The following EYS variants were observed in gnomAD, a reference collection of about 807,000 sequenced individuals.
The protein encoded by EYS is EGF-like photoreceptor maintenance factor, also known as protein eyes shut homolog.
EYS carries 250 observed loss-of-function variants against 282.1 expected under a neutral mutation model. The observed-to-expected ratio is 0.89, with a 90% CI of 0.80 to 0.98. The LOEUF is 0.98. Ranked by LOEUF, EYS falls within the 50% of genes least tolerant of loss-of-function variation. EYS has a pLI of 0.00. For missense variants in EYS, 4,016 were observed against 3,709.0 expected (o/e 1.08, Z -2.15); for synonymous variants, 1,355 against 1,282.9 (o/e 1.06, Z -1.20).
At chr6:65,228,682 T>C (rs1285537440) in intron 12 of EYS, among the ~76,000 whole-genome samples, 6 of 152,000 alleles carry the variant, frequency 3.9e-5, no homozygotes, top group African/African-American at 1.4e-4. Flanking sequence ...ATAGGCAAGA[T>C]GGTTTTATAA....
chr6:64,097,464 C>T (rs1772667624), intron 31 of EYS, among the ~76,000 whole-genome samples: 1 of 152,174 alleles, frequency 6.6e-6, no homozygotes, highest in Non-Finnish European at 1.5e-5. Context: ...GGAGGCCCCT[C>T]CCTCAGCCTC....
At chr6:64,173,038 T>G (rs1278455407) in intron 31 of EYS, among the ~76,000 whole-genome samples, 1 of 152,102 alleles carries the variant, frequency 6.6e-6, no homozygotes, top group Non-Finnish European at 1.5e-5. Context: ...AGGTACTAGC[T>G]ATGGTGAGCA....
chr6:65,261,405 A>C (rs1470317676), intron 12 of EYS, among the ~76,000 whole-genome samples: 1 of 151,964 alleles, frequency 6.6e-6, no homozygotes, highest in Non-Finnish European at 1.5e-5. Context: ...TCTGGTGTGC[A>C]TGTGTTTACC....
intron 26 of EYS, among the ~76,000 whole-genome samples, chr6:64,481,369 T>C (rs1776432469): frequency 6.7e-6 from 1 of 150,024 alleles, no homozygotes; most frequent in Admixed American, 6.7e-5. Context: ...TATCTCTGGG[T>C]GTATCCAAGG....
At chr6:65,568,973 G>C (rs1321832347) in intron 2 of EYS, among the ~76,000 whole-genome samples, 2 of 152,146 alleles carry the variant, frequency 1.3e-5, no homozygotes, top group Non-Finnish European at 2.9e-5. Flanking sequence ...CTAACTTTGT[G>C]AGGAACTTAG....
At chr6:64,495,561 C>T (rs572472317) in intron 26 of EYS, among the ~76,000 whole-genome samples, 4 of 151,938 alleles carry the variant, frequency 2.6e-5, no homozygotes, top group South Asian at 4.1e-4. Flanking sequence ...GCAAATTAGA[C>T]GTGTGCTGTG....
chr6:64,636,093 A>G (rs1562104421), intron 22 of EYS, among the ~76,000 whole-genome samples: 1 of 152,204 alleles, frequency 6.6e-6, no homozygotes, highest in African/African-American at 2.4e-5. Flanking sequence ...AAATTACTTT[A>G]AAGTTCATAT....
chr6:65,677,992 A>G (rs995896681), intron 1 of EYS, among the ~76,000 whole-genome samples: 2 of 152,050 alleles, frequency 1.3e-5, no homozygotes, highest in Non-Finnish European at 2.9e-5. Flanking sequence ...AGGCTGGGTA[A>G]TTTATAAAGA....
chr6:64,807,645 A>T (rs1049548506), intron 22 of EYS, among the ~76,000 whole-genome samples: 24 of 152,124 alleles, frequency 1.6e-4, no homozygotes, highest in Non-Finnish European at 3.4e-4. Context: ...CGTAATATAA[A>T]GTCAATCACT....
chr6:63,891,138 C>T (rs558321507), intron 35 of EYS, among the ~76,000 whole-genome samples: 21 of 152,272 alleles, frequency 1.4e-4, no homozygotes, highest in Non-Finnish European at 2.2e-4. Context: ...GACAAATTCA[C>T]GGCCGAATTC....
intron 22 of EYS, among the ~76,000 whole-genome samples, chr6:64,742,912 A>T (rs1449851835): frequency 6.6e-6 from 1 of 152,128 alleles, no homozygotes; most frequent in African/African-American, 2.4e-5. Context: ...CCACAAAATC[A>T]CCGGTGATAA....
chr6:64,188,470 A>C (rs1314219290), intron 31 of EYS, among the ~76,000 whole-genome samples: 1 of 152,138 alleles, frequency 6.6e-6, no homozygotes, highest in African/African-American at 2.4e-5. Flanking sequence ...TTTTAGTAAA[A>C]ATATATCCCA....
intron 2 of EYS, among the ~76,000 whole-genome samples, chr6:65,604,987 A>C (rs354401): frequency 6.7e-6 from 1 of 150,072 alleles, no homozygotes; most frequent in Admixed American, 6.7e-5. Context: ...GGGACTAAAC[A>C]TATGGCCGAC....
At chr6:63,808,789 T>C (rs192944532) in intron 36 of EYS, among the ~76,000 whole-genome samples, 9 of 152,306 alleles carry the variant, frequency 5.9e-5, no homozygotes, top group African/African-American at 2.2e-4. Flanking sequence ...GTTGAGCATT[T>C]GAATTGTGGT....
At chr6:65,278,218 G>T (rs1413764808) in intron 12 of EYS, among the ~76,000 whole-genome samples, 2 of 135,174 alleles carry the variant, frequency 1.5e-5, no homozygotes, top group Non-Finnish European at 3.2e-5. Flanking sequence ...AGATCTGGCT[G>T]CTTGTTAACC....
intron 22 of EYS, among the ~76,000 whole-genome samples, chr6:64,665,761 G>A (rs1769208786): frequency 6.6e-6 from 1 of 152,074 alleles, no homozygotes; most frequent in Non-Finnish European, 1.5e-5. Flanking sequence ...CTACTGTTCT[G>A]AGAAAGCTAT....
In EYS at chr6:65,536,839, T is replaced by C. The variant is rs370385175; in HGVS notation, c.-332-40846A>G. Reference sequence around the variant, plus strand: ...TGTCAGGTTGTTAAACGTCTCTAAATTAACCTATAAATTTCAATCCAAGGC... The same window carrying C: ...TGTCAGGTTGTTAAACGTCTCTAAACTAACCTATAAATTTCAATCCAAGGC... On this transcript the variant is annotated intron_variant, in intron 2 of 42. Coordinates refer to ENST00000503581, the MANE Select transcript of EYS (RefSeq NM_001142800.2). 5.3e-5 allele frequency among the ~76,000 whole-genome samples: 8 copies of C among 152,242 alleles called. No homozygotes were observed. The East Asian group carries it at 1.5e-3, about 29-fold the overall frequency.
chr6:64,661,536 G>T (rs902934124), intron 22 of EYS, among the ~76,000 whole-genome samples: 4 of 151,800 alleles, frequency 2.6e-5, no homozygotes, highest in African/African-American at 7.3e-5. Context: ...CAAACAAATT[G>T]ACAAGAAAAA....
At chr6:64,108,444 A>C (rs971730196) in intron 31 of EYS, among the ~76,000 whole-genome samples, 1 of 148,434 alleles carries the variant, frequency 6.7e-6, no homozygotes, top group Non-Finnish European at 1.5e-5. Flanking sequence ...TTTGCTTGTT[A>C]TGACAGAATG....
Sources: gnomAD v4.1 joint callset for allele counts (sites outside exome capture counted in the v4.1 genomes callset) on GRCh38, gnomAD v4.1.1 for gene constraint, MANE v1.5 for transcripts, NCBI Gene and HGNC (gene_info 2026-07-23, HGNC 2026-07-21) for gene names.